Variants in PTPRN2 observed in about 807,000 individuals in gnomAD.
PTPRN2 encodes protein tyrosine phosphatase receptor type N2, also known as receptor-type tyrosine-protein phosphatase N2.
In PTPRN2, 74 loss-of-function variants were observed where a neutral mutation model predicts 118.8. The observed-to-expected ratio is 0.62, with a 90% CI of 0.52 to 0.76. The LOEUF (loss-of-function observed/expected upper bound fraction) is 0.76, where lower values mean the gene tolerates loss of function less well. Among genes scored for constraint, PTPRN2 ranks in the 30% least tolerant of loss-of-function variants. The probability of loss-of-function intolerance (pLI) is 0.00; values close to 1 mark genes in which losing one functional copy is unlikely to be tolerated. For synonymous variants in PTPRN2, 641 were observed against 608.0 expected, an observed-to-expected ratio of 1.05 and a Z score of -0.80; for missense variants, 1,481 against 1,394.4, an observed-to-expected ratio of 1.06 and a Z score of -0.99.
intron 12 of PTPRN2, among the ~76,000 whole-genome samples, chr7:157,839,719 T>C (rs1264479667): frequency 6.6e-6 from 1 of 151,788 alleles, no homozygotes; most frequent in Non-Finnish European, 1.5e-5. Flanking sequence ...CATGTCTGTG[T>C]GACTGTGTGA....
intron 1 of PTPRN2, among the ~76,000 whole-genome samples, chr7:158,500,224 C>A (rs968987700): frequency 1.3e-5 from 2 of 152,156 alleles, no homozygotes; most frequent in Admixed American, 6.5e-5. Context: ...CCCCTTTTAA[C>A]CCTGATATTT....
In PTPRN2 at chr7:157,869,422, AC is replaced by A. The variant is rs1810918795; in HGVS notation, c.1788+29250del. ...AATATAAGGGGACTTCAAAAAGTTC[AC>A]AGAAAAATTGGATTAAAAGGTAAAA... On this transcript the variant is annotated intron_variant, in intron 12 of 22. Transcript: ENST00000389418. The surrounding 1 kb of genome is among the most constrained non-coding windows in gnomAD (Gnocchi z 4.2). Among the ~76,000 whole-genome samples, 1 of 152,236 alleles carries A rather than the reference AC, an allele frequency of 6.6e-6. No individual in the cohort carries two copies. Among genetic ancestry groups the A allele is most frequent in the Non-Finnish European group, 1.5e-5 (1 of 68,042 alleles).
chr7:157,542,479 G>C (rs7781322), intron 22 of PTPRN2, among the ~76,000 whole-genome samples: 32,925 of 151,242 alleles, frequency 0.22, 4,381 homozygotes, highest in South Asian at 0.37. Flanking sequence ...CCATCATGCA[G>C]TGGAGGCTGG....
chr7:157,955,766 G>A (rs1219036546), intron 11 of PTPRN2, among the ~76,000 whole-genome samples: 1 of 152,224 alleles, frequency 6.6e-6, no homozygotes, highest in East Asian at 1.9e-4. Context: ...GTTTGCCTGG[G>A]CTCTGCATTC....
chr7:158,330,815 C>G (rs1214585241), intron 2 of PTPRN2, among the ~76,000 whole-genome samples: 1 of 93,156 alleles, frequency 1.1e-5, no homozygotes, highest in Non-Finnish European at 2.1e-5. Flanking sequence ...TAAGAGCTGA[C>G]ACCCGCAGAC....
At position 158,055,832 on chromosome 7, in the gene PTPRN2, C is replaced by T. The variant is rs554715922; in HGVS notation, c.1723+25466G>A. Reference sequence around the variant, plus strand: ...GGCATTCCGGGCTACTACTGGTCTCCGTGACTTGGTGGTAGTTGTCCCCAG... The same window carrying T: ...GGCATTCCGGGCTACTACTGGTCTCTGTGACTTGGTGGTAGTTGTCCCCAG... On this transcript the variant is annotated intron_variant, in intron 11 of 22. Coordinates refer to ENST00000389418, the MANE Select transcript of PTPRN2 (RefSeq NM_002847.5). 9.2e-5 allele frequency among the ~76,000 whole-genome samples: 14 copies of T among 152,054 alleles called. No individual in the cohort carries two copies. In the South Asian group the frequency reaches 1.9e-3, roughly 20 times the overall value.
rs947995742 is a variant in PTPRN2, at chr7:158,006,061, T to C, written c.1723+75237A>G. Among the ~76,000 whole-genome samples the C allele has an allele frequency of 2.0e-5, 3 of 152,296 alleles. No individual in the cohort carries two copies. The East Asian group carries it at 5.8e-4, about 29-fold the overall frequency. On this transcript the variant is annotated intron_variant, in intron 11 of 22. Transcript: ENST00000389418. ...CCCAAATAAACATGTTCAAAGCTCC[T>C]TTTCACCAAGGCTTCTGCTGTGAAC...
In PTPRN2 at chr7:157,671,822, C is replaced by T. The variant is rs1364350997; in HGVS notation, c.2001+10903G>A. 2.6e-5 allele frequency among the ~76,000 whole-genome samples: 4 copies of T among 152,088 alleles called. No homozygotes were observed. Among genetic ancestry groups the T allele is most frequent in the African/African-American group, 7.2e-5 (3 of 41,408 alleles). ...CCTGAAGAGCTTCTTCCTACCAGACCCCCGAAGGCCAGGGTCTGGGGGCCT... is the reference window on the plus strand; with the variant it reads ...CCTGAAGAGCTTCTTCCTACCAGACTCCCGAAGGCCAGGGTCTGGGGGCCT... On this transcript the variant is annotated intron_variant, in intron 13 of 22. Transcript: ENST00000389418. The surrounding 1 kb of genome is among the most constrained non-coding windows in gnomAD (Gnocchi z 4.1).
intron 9 of PTPRN2, among the ~76,000 whole-genome samples, chr7:158,116,183 C>G (rs1816714183): frequency 6.6e-6 from 1 of 152,128 alleles, no homozygotes; most frequent in African/African-American, 2.4e-5. Context: ...TCAAAAACAG[C>G]AAAAAATCCA....
At chr7:158,387,557 T>TGGG in intron 2 of PTPRN2, among the ~76,000 whole-genome samples, 2 of 152,306 alleles carry the variant, frequency 1.3e-5, no homozygotes, top group Non-Finnish European at 1.5e-5. Flanking sequence ...TCCAGGGGGC[T>TGGG]GCGGCATCCC....
chr7:157,819,581 C>T (rs970034993), intron 12 of PTPRN2, among the ~76,000 whole-genome samples: 4 of 149,386 alleles, frequency 2.7e-5, no homozygotes, highest in South Asian at 4.3e-4. Flanking sequence ...ACCGAGTGGC[C>T]GCAGCACAGC....
chr7:157,672,574 C>T (rs562213031), intron 13 of PTPRN2, among the ~76,000 whole-genome samples: 15 of 152,230 alleles, frequency 9.9e-5, no homozygotes, highest in African/African-American at 3.4e-4. Context: ...AGGAAGATTG[C>T]GTTATTGTCC....
At chr7:157,605,915 C>T (rs1231569832) in intron 15 of PTPRN2, among the ~76,000 whole-genome samples, 2 of 152,236 alleles carry the variant, frequency 1.3e-5, no homozygotes, top group Non-Finnish European at 2.9e-5. Context: ...TTCAAACCCT[C>T]CCTGGCCTGA....
intron 11 of PTPRN2, among the ~76,000 whole-genome samples, chr7:158,063,012 T>C (rs1159109775): frequency 6.6e-6 from 1 of 152,228 alleles, no homozygotes; most frequent in Non-Finnish European, 1.5e-5. Flanking sequence ...CAGGATCCAC[T>C]AGGTGAAGCC....
chr7:158,056,761 T>A (rs1809824475), intron 11 of PTPRN2, among the ~76,000 whole-genome samples: 1 of 152,206 alleles, frequency 6.6e-6, no homozygotes, highest in Non-Finnish European at 1.5e-5. Context: ...AGCAGGACAG[T>A]GGCTCTCCCT....
chr7:157,774,595 T>A (rs1236598414), intron 12 of PTPRN2, among the ~76,000 whole-genome samples: 2 of 152,140 alleles, frequency 1.3e-5, no homozygotes, highest in Non-Finnish European at 2.9e-5. Flanking sequence ...CAAGACAGTG[T>A]GCGTGGAGGG....
rs1804031586 is a variant in PTPRN2, at chr7:157,632,614, G to T, written c.2197-11105C>A. ...AGTGTGCGTAGGAGGGGGTGACAGG[G>T]GTCACCTGCAGAAAGACTAAGAAAG... On this transcript the variant is annotated intron_variant, in intron 14 of 22. Transcript: ENST00000389418. The surrounding 1 kb of genome is among the most constrained non-coding windows in gnomAD (Gnocchi z 4.3). Among the ~76,000 whole-genome samples the T allele has an allele frequency of 6.6e-6, 1 of 152,114 alleles. No individual in the cohort carries two copies. Among genetic ancestry groups the T allele is most frequent in the South Asian group, 2.1e-4 (1 of 4,818 alleles).
At chr7:158,053,422 A>C (rs540626525) in intron 11 of PTPRN2, among the ~76,000 whole-genome samples, 5 of 152,200 alleles carry the variant, frequency 3.3e-5, no homozygotes, top group Non-Finnish European at 7.3e-5. Flanking sequence ...TGTTTAATTA[A>C]CGTGTAGCTA....
In PTPRN2 at chr7:157,781,352, G is replaced by A. The variant is rs113026662; in HGVS notation, c.1789-98415C>T. On this transcript the variant is annotated intron_variant, in intron 12 of 22. Coordinates refer to ENST00000389418, the MANE Select transcript of PTPRN2 (RefSeq NM_002847.5). ...GAATAACACACAGTTAACCCTCCCTGTGCCAAGTTGTTGATGTCAAGTCTC... is the reference window on the plus strand; with the variant it reads ...GAATAACACACAGTTAACCCTCCCTATGCCAAGTTGTTGATGTCAAGTCTC... 8.0e-3 allele frequency among the ~76,000 whole-genome samples: 1,211 copies of A among 152,298 alleles called. 15 individuals are homozygous for A. Among genetic ancestry groups the A allele is most frequent in the African/African-American group, 0.028 (1,149 of 41,552 alleles).
Sources: allele counts gnomAD v4.1 joint callset (sites outside exome capture counted in the v4.1 genomes callset), GRCh38; gene constraint gnomAD v4.1.1; non-coding constraint Gnocchi (gnomAD v3.1); transcripts MANE v1.5; gene names NCBI Gene and HGNC (gene_info 2026-07-23, HGNC 2026-07-21).